The following KPNA3 variants were observed in gnomAD, a reference collection of about 807,000 sequenced individuals.
The protein encoded by KPNA3 is karyopherin subunit alpha 3.
In KPNA3, 13 loss-of-function variants were observed where a neutral mutation model predicts 73.8. That is an observed-to-expected ratio of 0.18 (90% CI 0.11 to 0.28). The LOEUF is 0.28. Among genes scored for constraint, KPNA3 ranks in the 10% least tolerant of loss-of-function variants. KPNA3 has a pLI of 1.00. For synonymous variants in KPNA3, 186 were observed against 206.9 expected (o/e 0.90, Z 0.87); for missense variants, 360 against 618.1 (o/e 0.58, Z 4.43).
At chr13:49,782,979 T>C (rs931067115) in intron 1 of KPNA3, among the ~76,000 whole-genome samples, 40 of 152,082 alleles carry the variant, frequency 2.6e-4, no homozygotes, top group African/African-American at 7.0e-4. Context: ...ATGCTGACAG[T>C]ATCAAAAGAA....
chr13:49,741,236 A>G (rs1954570855), intron 2 of KPNA3, among the ~76,000 whole-genome samples: 1 of 152,022 alleles, frequency 6.6e-6, no homozygotes, highest in African/African-American at 2.4e-5. Flanking sequence ...GTCTATACTA[A>G]TTTACATTCT....
rs370734199 is a variant in KPNA3 at position 49,710,993 on chromosome 13, T to C, written c.801A>G (p.Ser267=). The C allele has an allele frequency of 2.5e-6, 4 of 1,613,072 alleles. No homozygotes were observed. The highest frequency in any genetic ancestry group is 1.3e-5 in the African/African-American group (1 of 74,900). The change falls in exon 11 of 17, where the codon TCA becomes TCG. Residue 267 remains serine, a synonymous_variant. Coordinates refer to ENST00000261667, the MANE Select transcript of KPNA3 (RefSeq NM_002267.4). ...NILVDTVWAL[S]YLTDGGNEQI... Reference sequence around the variant, plus strand: ...GTTCATTACCTCCATCTGTCAAGTATGACAGAGCCCAAACAGTGTCTACAA... The same window carrying C: ...GTTCATTACCTCCATCTGTCAAGTACGACAGAGCCCAAACAGTGTCTACAA...
At chr13:49,747,956 G>A (rs1954632707) in intron 1 of KPNA3, among the ~76,000 whole-genome samples, 1 of 151,994 alleles carries the variant, frequency 6.6e-6, no homozygotes, top group East Asian at 1.9e-4. Context: ...TAGGTCACAA[G>A]ACTCAACTAC....
intron 1 of KPNA3, among the ~76,000 whole-genome samples, chr13:49,767,068 A>G (rs200399028): frequency 6.8e-6 from 1 of 147,994 alleles, no homozygotes; most frequent in East Asian, 2.0e-4. Context: ...ACAGGACATT[A>G]TGTCCTAAGA....
Position 49,706,167 on chromosome 13 carries a change from C to T in KPNA3, c.1140G>A (p.Gly380=), listed in dbSNP as rs750441189. The T allele has an allele frequency of 3.1e-6, 5 of 1,613,328 alleles. No individual in the cohort carries two copies. The Admixed American group carries it at 8.3e-5, about 27-fold the overall frequency. ...IPMIIHQLAK[G]DFGTQKEAAW... is the part of the protein sequence containing the mutation. ...CAGCTTCTTTTTGTGTTCCAAAGTCCCCCTGAAGGTTAAAAATGAGATCAT... is the reference window on the plus strand; with the variant it reads ...CAGCTTCTTTTTGTGTTCCAAAGTCTCCCTGAAGGTTAAAAATGAGATCAT... The change falls in exon 14 of 17, where the codon GGG becomes GGA. Residue 380 remains glycine, a splice_region_variant and synonymous_variant. Coordinates refer to ENST00000261667, the MANE Select transcript of KPNA3 (RefSeq NM_002267.4).
At chr13:49,705,281 C>T (rs191571367) in intron 15 of KPNA3, among the ~76,000 whole-genome samples, 2 of 151,548 alleles carry the variant, frequency 1.3e-5, no homozygotes, top group East Asian at 3.9e-4. Flanking sequence ...ATTGCTTGAA[C>T]TCGGGAGGCA....
chr13:49,785,601 C>A (rs1268056543), intron 1 of KPNA3, among the ~76,000 whole-genome samples: 1 of 152,004 alleles, frequency 6.6e-6, no homozygotes, highest in Non-Finnish European at 1.5e-5. Flanking sequence ...CTGATATGAG[C>A]AAGAAAAACA....
chr13:49,709,958 TAGA>T (rs900551031), intron 11 of KPNA3, among the ~76,000 whole-genome samples: 14 of 152,192 alleles, frequency 9.2e-5, no homozygotes, highest in African/African-American at 2.9e-4. Context: ...ATTAAAATTT[TAGA>T]AGAAGTCCAG....
chr13:49,730,816 G>A (rs190435143), intron 6 of KPNA3, among the ~76,000 whole-genome samples: 1,681 of 128,436 alleles, frequency 0.013, 17 homozygotes, highest in Non-Finnish European at 0.016. Context: ...TTGCTCTGTC[G>A]CCCAGGCTGG....
intron 2 of KPNA3, among the ~76,000 whole-genome samples, chr13:49,736,824 A>G (rs1158570519): frequency 6.6e-6 from 1 of 151,826 alleles, no homozygotes; most frequent in Non-Finnish European, 1.5e-5. Flanking sequence ...AGCAAAATCA[A>G]CTCCTTCTCA....
intron 16 of KPNA3, 41 bp from the exon 17 acceptor site, chr13:49,701,939 C>CTA: frequency 3.0e-6 from 4 of 1,321,888 alleles, no homozygotes; most frequent in Non-Finnish European, 4.4e-6. Flanking sequence ...GGTTATGATA[C>CTA]TATACATTAT....
At chr13:49,786,661 A>T (rs548035163) in intron 1 of KPNA3, among the ~76,000 whole-genome samples, 5 of 152,354 alleles carry the variant, frequency 3.3e-5, no homozygotes, top group African/African-American at 1.2e-4. Context: ...ATACAAAGGC[A>T]TGAAGAAGAA....
chr13:49,752,630 A>G (rs1279085146), intron 1 of KPNA3, among the ~76,000 whole-genome samples: 1 of 152,190 alleles, frequency 6.6e-6, no homozygotes, highest in Non-Finnish European at 1.5e-5. Context: ...TTATTTCAGA[A>G]AGGAACCTAG....
At chr13:49,753,026 C>CAAAAAAAAAAA (rs71078888) in intron 1 of KPNA3, among the ~76,000 whole-genome samples, 1 of 82,208 alleles carries the variant, frequency 1.2e-5, no homozygotes, top group East Asian at 4.8e-4. Flanking sequence ...GACTCTGTCT[C>CAAAAAAAAAAA]AAAAAAAAAA....
At chr13:49,783,261 A>C (rs1356651562) in intron 1 of KPNA3, among the ~76,000 whole-genome samples, 1 of 152,186 alleles carries the variant, frequency 6.6e-6, no homozygotes, top group Non-Finnish European at 1.5e-5. Context: ...AAGAATGATT[A>C]ATTCCAAGTA....
chr13:49,730,775 C>A (rs1221733302), intron 6 of KPNA3, among the ~76,000 whole-genome samples: 2 of 116,334 alleles, frequency 1.7e-5, no homozygotes, highest in Admixed American at 1.8e-4. Flanking sequence ...CCCCCTCCCC[C>A]CTATTTATTC....
At chr13:49,731,296 C>G (rs1954467563) in intron 6 of KPNA3, among the ~76,000 whole-genome samples, 1 of 140,748 alleles carries the variant, frequency 7.1e-6, no homozygotes, top group Non-Finnish European at 1.5e-5. Context: ...ACCATGTTGC[C>G]CAGGCTGCTC....
chr13:49,720,496 CT>C (rs1366656662), intron 9 of KPNA3, among the ~76,000 whole-genome samples: 2 of 152,164 alleles, frequency 1.3e-5, no homozygotes, highest in Non-Finnish European at 2.9e-5. Context: ...GTGGCTCATG[CT>C]TGTAATCCCA....
intron 2 of KPNA3, among the ~76,000 whole-genome samples, chr13:49,744,974 T>TA (rs1053854112): frequency 5.3e-5 from 8 of 151,954 alleles, no homozygotes; most frequent in East Asian, 1.9e-4. Flanking sequence ...TGCCCAATTT[T>TA]AAAAAAAACC....
Sources: allele counts gnomAD v4.1 joint callset (sites outside exome capture counted in the v4.1 genomes callset), GRCh38; gene constraint gnomAD v4.1.1; transcripts MANE v1.5; gene names NCBI Gene and HGNC (gene_info 2026-07-23, HGNC 2026-07-21).